PPM1L: variants seen among roughly 807,000 people sequenced by gnomAD.
The protein encoded by PPM1L is protein phosphatase 1L.
PPM1L carries 13 observed loss-of-function variants against 31.4 expected under a neutral mutation model. That is an observed-to-expected ratio of 0.41 (90% CI 0.27 to 0.66). The LOEUF (loss-of-function observed/expected upper bound fraction) is 0.66, where lower values mean the gene tolerates loss of function less well. PPM1L is among the 30% of genes least tolerant of loss of function. PPM1L has a pLI of 0.29. For missense variants in PPM1L, 326 were observed against 453.7 expected (o/e 0.72, Z 2.56); for synonymous variants, 184 against 175.4 (o/e 1.05, Z -0.39).
At chr3:160,862,662 G>GCGCA (rs1553814126) in intron 1 of PPM1L, among the ~76,000 whole-genome samples, 61 of 127,192 alleles carry the variant, frequency 4.8e-4, no homozygotes, top group Non-Finnish European at 7.5e-4. Flanking sequence ...CTAGGCACAC[G>GCGCA]CACACACACA....
At chr3:160,968,558 T>A (rs568166312) in intron 2 of PPM1L, among the ~76,000 whole-genome samples, 1 of 152,354 alleles carries the variant, frequency 6.6e-6, no homozygotes, top group Admixed American at 6.5e-5. Flanking sequence ...CTGTAGCTAA[T>A]CTCAAATTCT....
chr3:161,009,308 A>C (rs1377371199), intron 2 of PPM1L, among the ~76,000 whole-genome samples: 1 of 152,150 alleles, frequency 6.6e-6, no homozygotes, highest in Non-Finnish European at 1.5e-5. Flanking sequence ...TAGATGCTTT[A>C]AATGTCTTTT....
chr3:160,904,603 T>C (rs566128121), intron 1 of PPM1L, among the ~76,000 whole-genome samples: 3 of 152,264 alleles, frequency 2.0e-5, no homozygotes, highest in South Asian at 4.1e-4. Flanking sequence ...CAAATTCTTA[T>C]TGACCTTGCC....
intron 1 of PPM1L, among the ~76,000 whole-genome samples, chr3:160,910,118 A>G (rs185601965): frequency 3.3e-5 from 5 of 152,178 alleles, no homozygotes; most frequent in African/African-American, 1.2e-4. Flanking sequence ...AATGCTTACT[A>G]TGATGACTTC....
At position 161,072,958 on chromosome 3, in the gene PPM1L, C is replaced by T. The variant is rs1301544136; in HGVS notation, c.*3801C>T. 6.6e-6 allele frequency: 1 copy of T among 152,198 alleles called. No individual in the cohort carries two copies. The highest frequency in any genetic ancestry group is 1.5e-5 in the Non-Finnish European group (1 of 68,038). 9.4% of individuals were successfully genotyped at this position (152,198 alleles called of 1,614,324 possible). A position where few individuals can be genotyped will look rare whatever the true frequency, so the allele number is the denominator to read the frequency against. Reference sequence around the variant, plus strand: ...GCATGTCACACCAGCATTTGTCATCCAGCTCTGGAGAAATGACATGACTGT... The same window carrying T: ...GCATGTCACACCAGCATTTGTCATCTAGCTCTGGAGAAATGACATGACTGT... On this transcript the variant is annotated 3_prime_UTR_variant, in exon 4 of 4. Coordinates refer to ENST00000498165, the MANE Select transcript of PPM1L (RefSeq NM_139245.4).
At chr3:160,775,124 G>A (rs1221337917) in intron 1 of PPM1L, among the ~76,000 whole-genome samples, 2 of 152,152 alleles carry the variant, frequency 1.3e-5, no homozygotes, top group African/African-American at 2.4e-5. Context: ...TTGAGGCAAC[G>A]GTTGTTATCC....
At chr3:160,786,750 C>A (rs964212962) in intron 1 of PPM1L, among the ~76,000 whole-genome samples, 1 of 152,040 alleles carries the variant, frequency 6.6e-6, no homozygotes, top group African/African-American at 2.4e-5. Context: ...CCTCATCCCA[C>A]CCTCCATCCT....
At chr3:160,800,208 A>G (rs1712382080) in intron 1 of PPM1L, among the ~76,000 whole-genome samples, 1 of 152,190 alleles carries the variant, frequency 6.6e-6, no homozygotes, top group Admixed American at 6.5e-5. Flanking sequence ...GTTTCATATT[A>G]AAACATGATT....
At chr3:161,046,599 A>G (rs1370241414) in intron 2 of PPM1L, among the ~76,000 whole-genome samples, 3 of 152,236 alleles carry the variant, frequency 2.0e-5, no homozygotes, top group Admixed American at 2.0e-4. Flanking sequence ...TGAGGCCAGC[A>G]TCATCCTGAT....
chr3:160,833,228 A>G (rs1210271197), intron 1 of PPM1L, among the ~76,000 whole-genome samples: 2 of 152,246 alleles, frequency 1.3e-5, no homozygotes, highest in African/African-American at 4.8e-5. Flanking sequence ...TGCAATGAAC[A>G]TAAGTATGCA....
At chr3:160,980,115 G>A (rs1216963877) in intron 2 of PPM1L, among the ~76,000 whole-genome samples, 11 of 152,018 alleles carry the variant, frequency 7.2e-5, no homozygotes, top group African/African-American at 2.2e-4. Context: ...AGGATTCATC[G>A]GTAGCATGCT....
At chr3:160,903,650 A>G (rs553058939) in intron 1 of PPM1L, among the ~76,000 whole-genome samples, 35 of 151,976 alleles carry the variant, frequency 2.3e-4, no homozygotes, top group Admixed American at 7.9e-4. Context: ...TTCAATTATT[A>G]TTATTTTATT....
Position 160,944,856 on chromosome 3 carries a change from A to ATATGTTATG in PPM1L, c.400-16879_400-16878insATGTTATGT, listed in dbSNP as rs1432181106. Among the ~76,000 whole-genome samples, 2 of 45,900 alleles carry ATATGTTATG rather than the reference A, an allele frequency of 4.4e-5. 1 individual carries two copies. Among genetic ancestry groups the ATATGTTATG allele is most frequent in the African/African-American group, 1.3e-4 (2 of 15,994 alleles). The allele number at this position is 45,900 out of a possible 152,430, so 30.1% of individuals were successfully genotyped here. A position where few individuals can be genotyped will look rare whatever the true frequency, so the allele number is the denominator to read the frequency against. ...CATATATATGTTATATATAACATAT[A>ATATGTTATG]TTATATATAATGTTATATATAACAT... On this transcript the variant is annotated intron_variant, in intron 1 of 3. Transcript: ENST00000498165.
intron 1 of PPM1L, among the ~76,000 whole-genome samples, chr3:160,849,360 A>C (rs1245422724): frequency 6.6e-6 from 1 of 152,110 alleles, no homozygotes; most frequent in African/African-American, 2.4e-5. Flanking sequence ...AGTAGCAGTC[A>C]GAGGACTCTG....
intron 1 of PPM1L, among the ~76,000 whole-genome samples, chr3:160,865,890 A>G (rs1334487508): frequency 1.3e-5 from 2 of 152,232 alleles, no homozygotes; most frequent in African/African-American, 2.4e-5. Flanking sequence ...ATACTCATTA[A>G]GTAGTGGGGG....
intron 1 of PPM1L, among the ~76,000 whole-genome samples, chr3:160,878,433 G>C (rs1246593440): frequency 1.3e-5 from 2 of 152,280 alleles, no homozygotes; most frequent in East Asian, 1.9e-4. Context: ...CCTTTTCCTA[G>C]CTTGCGGATG....
At chr3:160,795,239 T>TA (rs1039721787) in intron 1 of PPM1L, among the ~76,000 whole-genome samples, 27 of 152,220 alleles carry the variant, frequency 1.8e-4, no homozygotes, top group African/African-American at 6.3e-4. Flanking sequence ...TTGTCATTTT[T>TA]AAAAAAGACA....
At chr3:160,850,528 T>G (rs965081420) in intron 1 of PPM1L, among the ~76,000 whole-genome samples, 2 of 152,154 alleles carry the variant, frequency 1.3e-5, no homozygotes, top group East Asian at 3.8e-4. Context: ...CTTTGGGGGT[T>G]GAGGCTGAAA....
chr3:161,033,394 G>A (rs1718638392), intron 2 of PPM1L, among the ~76,000 whole-genome samples: 1 of 152,126 alleles, frequency 6.6e-6, no homozygotes, highest in Non-Finnish European at 1.5e-5. Flanking sequence ...AGAATCCTAA[G>A]CAAACAGAAC....
Sources: allele counts gnomAD v4.1 joint callset (sites outside exome capture counted in the v4.1 genomes callset), GRCh38; gene constraint gnomAD v4.1.1; transcripts MANE v1.5; gene names NCBI Gene and HGNC (gene_info 2026-07-23, HGNC 2026-07-21).